Variants in SBF2 observed in about 807,000 individuals in gnomAD.
The protein encoded by SBF2 is SET binding factor 2, also known as myotubularin-related protein 13.
Under a neutral mutation model 225.2 loss-of-function variants are expected in SBF2, and 112 were observed. That is an observed-to-expected ratio of 0.50 (90% CI 0.43 to 0.58). SBF2 has a LOEUF of 0.58. Among genes scored for constraint, SBF2 ranks in the 20% least tolerant of loss-of-function variants. The pLI, the probability that SBF2 is intolerant of heterozygous loss-of-function variation, is 0.00. For missense variants in SBF2, 1,996 were observed against 2,206.2 expected (o/e 0.90, Z 1.91); for synonymous variants, 763 against 773.3 (o/e 0.99, Z 0.22).
chr11:10,136,644 T>TA (rs1954369255), intron 2 of SBF2, among the ~76,000 whole-genome samples: 1 of 152,086 alleles, frequency 6.6e-6, no homozygotes, highest in Admixed American at 6.5e-5. Flanking sequence ...AAATGGGAGG[T>TA]AAGGTACTCT....
chr11:10,121,845 A>G (rs567562700), intron 2 of SBF2, among the ~76,000 whole-genome samples: 1 of 152,186 alleles, frequency 6.6e-6, no homozygotes, highest in East Asian at 1.9e-4. Context: ...ATCTGTCACC[A>G]CTCCATCCAG....
chr11:10,144,994 A>C (rs542962064), intron 2 of SBF2, among the ~76,000 whole-genome samples: 1 of 152,368 alleles, frequency 6.6e-6, no homozygotes, highest in African/African-American at 2.4e-5. Context: ...CTGTTGCTAC[A>C]TAATAAATTA....
At chr11:10,084,298 C>T (rs1011435028) in intron 2 of SBF2, among the ~76,000 whole-genome samples, 1 of 151,464 alleles carries the variant, frequency 6.6e-6, no homozygotes, top group African/African-American at 2.4e-5. Context: ...CAGAAGAAGA[C>T]ATACAAATGA....
intron 27 of SBF2, 69 bp from the exon 28 acceptor site, chr11:9,829,565 T>C (rs1855263640): frequency 7.7e-7 from 1 of 1,299,370 alleles, no homozygotes; most frequent in Admixed American, 1.7e-5. Context: ...TCTATCTATC[T>C]ATCTATCTAC....
At chr11:10,216,643 G>A (rs1333460945) in intron 1 of SBF2, among the ~76,000 whole-genome samples, 1 of 152,232 alleles carries the variant, frequency 6.6e-6, no homozygotes, top group Non-Finnish European at 1.5e-5. Flanking sequence ...GCCAAGGCGG[G>A]TGGATCACTT....
chr11:10,057,574 G>C (rs1950297268), intron 2 of SBF2, among the ~76,000 whole-genome samples: 2 of 152,120 alleles, frequency 1.3e-5, no homozygotes, highest in Admixed American at 1.3e-4. Context: ...ATCTCTCTGG[G>C]GTGGAGCCTC....
In SBF2 at chr11:9,785,354, CA is replaced by C. The variant is rs772992207; in HGVS notation, c.5038-37del. 5 of 1,550,548 alleles carry C rather than the reference CA, an allele frequency of 3.2e-6. No homozygotes were observed. In the East Asian group the frequency reaches 1.1e-4, roughly 35 times the overall value. ...CAGGACAGGAGCTAGGAAACCTTTACAGACACTTAAACTACTGACTGGAAAA... is the reference window on the plus strand; with the variant it reads ...CAGGACAGGAGCTAGGAAACCTTTACGACACTTAAACTACTGACTGGAAAA... On this transcript the variant is annotated intron_variant, in intron 36 of 39. Coordinates refer to ENST00000256190, the MANE Select transcript of SBF2 (RefSeq NM_030962.4).
chr11:10,298,345 C>G (rs573587902), upstream of SBF2, among the ~76,000 whole-genome samples: 2 of 152,116 alleles, frequency 1.3e-5, no homozygotes, highest in African/African-American at 4.8e-5. Flanking sequence ...GAGCCAAGAT[C>G]GCGCCATTGC....
rs147829174 is a variant in SBF2, at chr11:9,906,252, T to C, written c.1861-10241A>G. 5.1e-4 allele frequency among the ~76,000 whole-genome samples: 78 copies of C among 152,296 alleles called. No homozygotes were observed. The Middle Eastern group carries it at 0.01, about 20-fold the overall frequency. On this transcript the variant is annotated intron_variant, in intron 16 of 39. Coordinates refer to ENST00000256190, the MANE Select transcript of SBF2 (RefSeq NM_030962.4). ...CTGTAATCTTCTCCCAAGGAAATGG[T>C]TGGGATGCCAAGATGCCTTTTGACT...
intron 1 of SBF2, among the ~76,000 whole-genome samples, chr11:10,194,451 G>A (rs1473321055): frequency 2.0e-5 from 3 of 152,130 alleles, no homozygotes; most frequent in Non-Finnish European, 4.4e-5. Context: ...GAGGGTTCTG[G>A]AACAAATCCC....
chr11:10,026,820 A>G (rs17357710), intron 6 of SBF2, among the ~76,000 whole-genome samples: 15,681 of 152,156 alleles, frequency 0.1, 1,028 homozygotes, highest in Middle Eastern at 0.24. Context: ...ACATGCCACC[A>G]GGAAGGGATT....
At chr11:9,832,506 G>C in intron 26 of SBF2, 86 bp from the exon 27 acceptor site, 8 of 914,534 alleles carry the variant, frequency 8.7e-6, no homozygotes, top group African/African-American at 1.6e-5. Context: ...AGAAGAGGGA[G>C]ACAGAGAATA....
At chr11:9,942,941 A>AAGAAAGAT (rs71034747) in intron 16 of SBF2, among the ~76,000 whole-genome samples, 2 of 149,776 alleles carry the variant, frequency 1.3e-5, no homozygotes, top group Non-Finnish European at 3.0e-5. Flanking sequence ...GAAAGAAAGA[A>AAGAAAGAT]GGAAGGAACG....
intron 16 of SBF2, among the ~76,000 whole-genome samples, chr11:9,900,748 T>A (rs11042538): frequency 0.013 from 1,973 of 152,268 alleles, 43 homozygotes; most frequent in African/African-American, 0.044. Context: ...AAATTTTTTT[T>A]AAATGTTCTT....
At chr11:9,820,436 C>T (rs973377328) in intron 28 of SBF2, among the ~76,000 whole-genome samples, 10 of 152,160 alleles carry the variant, frequency 6.6e-5, no homozygotes, top group African/African-American at 2.4e-4. Flanking sequence ...CACTGTGTGG[C>T]CTCCTCTGTG....
In SBF2 at chr11:10,057,340, G is replaced by A. The variant is rs1187402646; in HGVS notation, c.142-14359C>T. Among the ~76,000 whole-genome samples the A allele has an allele frequency of 6.6e-5, 10 of 152,124 alleles. No homozygotes were observed. The South Asian group carries it at 1.9e-3, about 28-fold the overall frequency. Reference sequence around the variant, plus strand: ...GCCTCTCTGCCACTACCTCTGCAATGTAACTGCCCTTGTCACCCTTGGACT... The same window carrying A: ...GCCTCTCTGCCACTACCTCTGCAATATAACTGCCCTTGTCACCCTTGGACT... On this transcript the variant is annotated intron_variant, in intron 2 of 39. Coordinates refer to ENST00000256190, the MANE Select transcript of SBF2 (RefSeq NM_030962.4).
At chr11:9,901,366 T>C (rs1288969340) in intron 16 of SBF2, among the ~76,000 whole-genome samples, 3 of 152,084 alleles carry the variant, frequency 2.0e-5, no homozygotes, top group Non-Finnish European at 4.4e-5. Flanking sequence ...TAGAAGAATA[T>C]AAACCAAAAA....
chr11:10,016,119 A>G (rs1948641520), intron 6 of SBF2, among the ~76,000 whole-genome samples: 2 of 152,072 alleles, frequency 1.3e-5, no homozygotes, highest in Admixed American at 6.5e-5. Context: ...ATCCCACAAA[A>G]AAAGGATAAC....
intron 16 of SBF2, among the ~76,000 whole-genome samples, chr11:9,907,782 AGT>A (rs1487095686): frequency 6.6e-6 from 1 of 152,256 alleles, no homozygotes; most frequent in African/African-American, 2.4e-5. Context: ...GCACTTATTA[AGT>A]GTTTACTAAG....
Sources: gnomAD v4.1 joint callset for allele counts (sites outside exome capture counted in the v4.1 genomes callset) on GRCh38, gnomAD v4.1.1 for gene constraint, MANE v1.5 for transcripts, NCBI Gene and HGNC (gene_info 2026-07-23, HGNC 2026-07-21) for gene names.